The following HNF4G variants were observed in gnomAD, a reference collection of about 807,000 sequenced individuals.
HNF4G encodes the protein hepatocyte nuclear factor 4-gamma.
In HNF4G, 21 loss-of-function variants were observed where a neutral mutation model predicts 50.9. The ratio of observed to expected loss-of-function variants is 0.41; its 90% CI spans 0.29 to 0.59. HNF4G has a LOEUF of 0.59. Among genes scored for constraint, HNF4G ranks in the 20% least tolerant of loss-of-function variants. HNF4G has a pLI of 0.26. For missense variants in HNF4G, 527 were observed against 559.4 expected (o/e 0.94, Z 0.58); for synonymous variants, 198 against 185.6 (o/e 1.07, Z -0.54).
At chr8:75,462,616 T>G (rs1002243880) in intron 1 of HNF4G, among the ~76,000 whole-genome samples, 1 of 152,224 alleles carries the variant, frequency 6.6e-6, no homozygotes, top group Admixed American at 6.5e-5. Context: ...GGAAGACTGT[T>G]GTATTTTGAT....
Position 75,534,703 on chromosome 8 carries a change from A to G in HNF4G, c.-23-9108A>G, listed in dbSNP as rs995634291. On this transcript the variant is annotated intron_variant, in intron 2 of 10. Transcript: ENST00000354370. ...CACAAGGTGCTTATGTATTTCTGTC[A>G]ACTTTCTTTAGATTTTACTGTCAAA... Among the ~76,000 whole-genome samples, 3 of 152,040 alleles carry G rather than the reference A, an allele frequency of 2.0e-5. No homozygotes were observed. The South Asian group carries it at 6.2e-4, about 31-fold the overall frequency.
intron 1 of HNF4G, among the ~76,000 whole-genome samples, chr8:75,457,309 G>A (rs1811745853): frequency 1.3e-5 from 2 of 152,146 alleles, no homozygotes; most frequent in African/African-American, 4.8e-5. Flanking sequence ...TTAATGCTCT[G>A]GCACCATGTT....
intron 2 of HNF4G, 55 bp downstream of exon 2, chr8:75,544,034 C>T (rs569476707): frequency 2.9e-5 from 42 of 1,445,918 alleles, no homozygotes; most frequent in East Asian, 9.3e-5. Flanking sequence ...CAGTTTGGCA[C>T]GCAAAAAGTA....
intron 2 of HNF4G, among the ~76,000 whole-genome samples, chr8:75,512,931 A>C (rs1485635310): frequency 6.6e-6 from 1 of 152,222 alleles, no homozygotes; most frequent in African/African-American, 2.4e-5. Flanking sequence ...AAGAGTGTAT[A>C]GATGATTGAG....
chr8:75,429,475 C>A (rs537128687), intron 1 of HNF4G, among the ~76,000 whole-genome samples: 62 of 152,066 alleles, frequency 4.1e-4, no homozygotes, highest in African/African-American at 1.4e-3. Flanking sequence ...CTACTTCTAC[C>A]ATAGGAATCT....
chr8:75,449,601 G>C (rs916623763), intron 1 of HNF4G, among the ~76,000 whole-genome samples: 4 of 149,232 alleles, frequency 2.7e-5, no homozygotes, highest in Admixed American at 6.7e-5. Flanking sequence ...CCGCCTCCAG[G>C]GTTCACGCCA....
intron 1 of HNF4G, among the ~76,000 whole-genome samples, chr8:75,466,582 TTCCTTCC>T (rs1811980820): frequency 1.1e-5 from 1 of 90,574 alleles, no homozygotes; most frequent in Non-Finnish European, 2.3e-5. Flanking sequence ...CCTTCCTTCC[TTCCTTCC>T]TTCCTTCCTT....
At chr8:75,559,749 G>A (rs1316295438) in intron 8 of HNF4G, among the ~76,000 whole-genome samples, 1 of 151,976 alleles carries the variant, frequency 6.6e-6, no homozygotes, top group Non-Finnish European at 1.5e-5. Flanking sequence ...TACTGGAATT[G>A]CAATACAACC....
chr8:75,515,662 T>C (rs993745883), intron 2 of HNF4G, among the ~76,000 whole-genome samples: 1 of 152,176 alleles, frequency 6.6e-6, no homozygotes, highest in Non-Finnish European at 1.5e-5. Flanking sequence ...AAAATGAATG[T>C]CCTGGCTCAA....
intron 2 of HNF4G, among the ~76,000 whole-genome samples, chr8:75,511,633 C>T (rs1047393706): frequency 1.3e-5 from 2 of 152,232 alleles, no homozygotes; most frequent in Admixed American, 6.5e-5. Flanking sequence ...GCTCTGTCGC[C>T]CAGGCTGGAC....
chr8:75,429,902 A>G (rs1272511795), intron 1 of HNF4G, among the ~76,000 whole-genome samples: 1 of 152,176 alleles, frequency 6.6e-6, no homozygotes, highest in African/African-American at 2.4e-5. Flanking sequence ...ATATTTAAAA[A>G]TTACTTTGGG....
intron 9 of HNF4G, among the ~76,000 whole-genome samples, chr8:75,563,615 A>T (rs1807380515): frequency 6.6e-6 from 1 of 152,088 alleles, no homozygotes; most frequent in South Asian, 2.1e-4. Flanking sequence ...TTGTTTTCTA[A>T]TATTTGAGAA....
At chr8:75,501,298 T>G (rs1478102965) in intron 2 of HNF4G, among the ~76,000 whole-genome samples, 2 of 151,688 alleles carry the variant, frequency 1.3e-5, no homozygotes, top group African/African-American at 4.9e-5. Context: ...ATAAAAAAAA[T>G]AATCCAGGCA....
intron 1 of HNF4G, among the ~76,000 whole-genome samples, chr8:75,446,993 A>T (rs1321445951): frequency 6.8e-6 from 1 of 146,246 alleles, no homozygotes; most frequent in African/African-American, 2.6e-5. Flanking sequence ...AAGCCAAAAG[A>T]ACAAAGCTGG....
At chr8:75,544,472 A>G (rs1156722654) in intron 2 of HNF4G, among the ~76,000 whole-genome samples, 1 of 152,194 alleles carries the variant, frequency 6.6e-6, no homozygotes, top group Non-Finnish European at 1.5e-5. Flanking sequence ...CAAAATTATG[A>G]AAGTGCAGAT....
chr8:75,474,665 T>A lies in HNF4G; in HGVS notation c.-143-15424T>A, dbSNP rs547917981. Among the ~76,000 whole-genome samples the A allele has an allele frequency of 9.9e-5, 15 of 151,842 alleles. 1 individual carries two copies. The Middle Eastern group carries it at 0.017, about 172-fold the overall frequency. On this transcript the variant is annotated intron_variant, in intron 1 of 10. Coordinates refer to the HNF4G transcript ENST00000354370. Reference sequence around the variant, plus strand: ...GTCAAGAATGATGAATAATAATAATTATTATTTTTTTTGGAGATGGAATTA... The same window carrying A: ...GTCAAGAATGATGAATAATAATAATAATTATTTTTTTTGGAGATGGAATTA...
upstream of HNF4G, chr8:75,407,940 G>A (rs1810401891): frequency 6.6e-6 from 1 of 152,052 alleles, no homozygotes; most frequent in South Asian, 2.1e-4. Flanking sequence ...CTGCGACTCG[G>A]GAGCTCCGGG....
intron 2 of HNF4G, among the ~76,000 whole-genome samples, chr8:75,497,979 T>G (rs528494691): frequency 4.2e-4 from 64 of 152,146 alleles, no homozygotes; most frequent in African/African-American, 1.5e-3. Flanking sequence ...ATTTGAAGTA[T>G]TCATACCACA....
At chr8:75,425,987 T>C (rs898233576) in intron 1 of HNF4G, among the ~76,000 whole-genome samples, 4 of 152,206 alleles carry the variant, frequency 2.6e-5, no homozygotes, top group Admixed American at 1.3e-4. Context: ...CTATTTAAAA[T>C]ATAAATGGAA....
Sources: allele counts gnomAD v4.1 joint callset (sites outside exome capture counted in the v4.1 genomes callset), GRCh38; gene constraint gnomAD v4.1.1; transcripts MANE v1.5; gene names NCBI Gene and HGNC (gene_info 2026-07-23, HGNC 2026-07-21).